Variants in SCRN3 observed in about 807,000 individuals in gnomAD.
The protein encoded by SCRN3 is secernin-3.
A neutral mutation model predicts 43.1 loss-of-function variants in SCRN3; 39 were observed. That is an observed-to-expected ratio of 0.91 (90% confidence interval 0.70 to 1.18). SCRN3 has a LOEUF of 1.18. Ranked by LOEUF, SCRN3 falls within the 50% of genes most tolerant of loss-of-function variation. SCRN3 has a pLI of 0.00. For synonymous variants in SCRN3, 147 were observed against 163.1 expected (o/e 0.90, Z 0.75); for missense variants, 484 against 498.0 (o/e 0.97, Z 0.27).
chr2:174,423,075 C>T (rs1182456938), intron 6 of SCRN3, 28 bp downstream of exon 6: 1 of 1,593,610 alleles, frequency 6.3e-7, no homozygotes, highest in Non-Finnish European at 8.6e-7. Flanking sequence ...TATAAACCAG[C>T]AAGGGGTCAG....
Position 174,429,289 on chromosome 2 carries a change from C to T in SCRN3, c.*1394C>T, listed in dbSNP as rs1486211166. The T allele has an allele frequency of 6.6e-6, 1 of 152,146 alleles. No individual in the cohort carries two copies. The highest frequency in any genetic ancestry group is 1.5e-5 in the Non-Finnish European group (1 of 68,020). The allele number at this position is 152,146 out of a possible 1,614,324, so 9.4% of individuals were successfully genotyped here. ...AGGGGCAGCATGTTTTCACCTTCTC[C>T]TTTGCTGCCACCTTGGCCTAAACTA... On this transcript the variant is annotated 3_prime_UTR_variant, in exon 8 of 8. Transcript: ENST00000272732.
At chr2:174,406,459 C>T (rs1398078599) in intron 5 of SCRN3, among the ~76,000 whole-genome samples, 2 of 139,686 alleles carry the variant, frequency 1.4e-5, no homozygotes, top group African/African-American at 5.0e-5. Context: ...TTTCCTTCTC[C>T]TGCCTAATTG....
At chr2:174,418,477 A>G (rs1217475476) in intron 5 of SCRN3, among the ~76,000 whole-genome samples, 3 of 152,226 alleles carry the variant, frequency 2.0e-5, no homozygotes, top group Admixed American at 6.5e-5. Context: ...TTAAATTGCA[A>G]TGAAATTACA....
chr2:174,409,407 T>G (rs1685817705), intron 5 of SCRN3, among the ~76,000 whole-genome samples: 1 of 147,642 alleles, frequency 6.8e-6, no homozygotes, highest in Admixed American at 6.8e-5. Flanking sequence ...GGTTTGAATG[T>G]CCTCCCGTAG....
At chr2:174,416,863 T>C (rs1466456958) in intron 5 of SCRN3, among the ~76,000 whole-genome samples, 2 of 152,214 alleles carry the variant, frequency 1.3e-5, no homozygotes, top group African/African-American at 4.8e-5. Context: ...CTAATACAGC[T>C]ATTTAAATAA....
At chr2:174,424,327 G>A (rs1686404247) in intron 6 of SCRN3, 148 bp from the exon 7 acceptor site, 1 of 586,160 alleles carries the variant, frequency 1.7e-6, no homozygotes, top group Non-Finnish European at 3.0e-6. Flanking sequence ...GGGAAGACAG[G>A]CATGGGTATA....
rs1685394307 is a variant in SCRN3, at chr2:174,398,336, A to AT, written c.54dup (p.Asn19Ter). The AT allele has an allele frequency of 6.2e-7, 1 of 1,606,266 alleles. No homozygotes were observed. Among genetic ancestry groups the AT allele is most frequent in the African/African-American group, 1.3e-5 (1 of 74,608 alleles). On this transcript the variant is annotated frameshift_variant, in exon 2 of 8. Coordinates refer to ENST00000272732, the MANE Select transcript of SCRN3 (RefSeq NM_024583.5). LOFTEE classifies it high-confidence loss of function. ...GTGGCATTACCTCCAGCAACAGTCG[A>AT]TAACAGGATTATTTTTGGAAAAAAT...
At chr2:174,426,439 T>C (rs1168423261) in intron 7 of SCRN3, among the ~76,000 whole-genome samples, 1 of 152,218 alleles carries the variant, frequency 6.6e-6, no homozygotes, top group African/African-American at 2.4e-5. Flanking sequence ...GGTTATTTGT[T>C]TTGTAGAGTT....
chr2:174,398,291 C>T lies in SCRN3; in HGVS notation c.8C>T (p.Pro3Leu), dbSNP rs1194168137. The change falls in exon 2 of 8, where the codon CCT becomes CTT. Residue 3 changes from proline (P) to leucine (L), a missense_variant. Physicochemically the swap from Pro to Leu is moderately conservative, Grantham distance 98. Transcript: ENST00000272732. ME[P>L]FSCDTFVALP... Reference sequence around the variant, plus strand: ...AATTTTTAGTTAAAAAAAATGGAACCTTTTTCCTGTGACACTTTCGTGGCA... The same window carrying T: ...AATTTTTAGTTAAAAAAAATGGAACTTTTTTCCTGTGACACTTTCGTGGCA... The T allele has an allele frequency of 6.4e-7, 1 of 1,565,976 alleles. No individual in the cohort carries two copies. The highest frequency in any genetic ancestry group is 8.6e-7 in the Non-Finnish European group (1 of 1,163,104).
intron 5 of SCRN3, among the ~76,000 whole-genome samples, chr2:174,415,666 A>T (rs1686080087): frequency 6.6e-6 from 1 of 152,094 alleles, no homozygotes; most frequent in Admixed American, 6.6e-5. Context: ...TTTTTTTGAG[A>T]CAATGTCTCG....
intron 5 of SCRN3, among the ~76,000 whole-genome samples, chr2:174,404,628 C>T (rs1023239635): frequency 8.9e-6 from 1 of 112,262 alleles, no homozygotes; most frequent in Non-Finnish European, 1.8e-5. Flanking sequence ...CACCACAGTC[C>T]CCAGAGTGTG....
At chr2:174,396,253 C>A in intron 1 of SCRN3, 2 of 990,530 alleles carry the variant, frequency 2.0e-6, no homozygotes, top group Non-Finnish European at 2.4e-6. Flanking sequence ...GAAAGACGTT[C>A]AATAAATACT....
In SCRN3 at chr2:174,414,335, G is replaced by A. The variant is rs145922678; in HGVS notation, c.755-8550G>A. 6.1e-3 allele frequency among the ~76,000 whole-genome samples: 922 copies of A among 152,246 alleles called. 3 individuals are homozygous for A. The highest frequency in any genetic ancestry group is 9.6e-3 in the Admixed American group (147 of 15,290). ...GTCTCTCTTTCCTACCCTGTCCTGA[G>A]ATACTTAGTTTTTTTTCCCATATGC... On this transcript the variant is annotated intron_variant, in intron 5 of 7. Transcript: ENST00000272732.
intron 7 of SCRN3, 115 bp from the exon 8 acceptor site, chr2:174,427,598 C>A (rs7591631): frequency 0.43 from 223,061 of 524,118 alleles, 51,860 homozygotes; most frequent in African/African-American, 0.69. Context: ...AAGAAGGGAA[C>A]CAAACCACAA....
intron 5 of SCRN3, among the ~76,000 whole-genome samples, chr2:174,409,796 T>G (rs1194540757): frequency 2.8e-5 from 4 of 143,270 alleles, no homozygotes; most frequent in African/African-American, 9.9e-5. Context: ...GGGACCCACT[T>G]GAGCAGGCAG....
Position 174,408,556 on chromosome 2 carries a change from G to A in SCRN3, c.754+4241G>A, listed in dbSNP as rs1372714367. On this transcript the variant is annotated intron_variant, in intron 5 of 7. Transcript: ENST00000272732. ...TTGATGCAGTTTCTTCCTAGTCTCG[G>A]TGGTCTTTACATTTTGGCATGATTT... Among the ~76,000 whole-genome samples, 48 of 149,922 alleles carry A rather than the reference G, an allele frequency of 3.2e-4. No homozygotes were observed. In the East Asian group the frequency reaches 3.6e-3, roughly 11 times the overall value.
intron 4 of SCRN3, 49 bp from the exon 5 acceptor site, chr2:174,404,054 G>A (rs1685594185): frequency 7.1e-7 from 1 of 1,414,908 alleles, no homozygotes. Flanking sequence ...CATGCTTTAT[G>A]TTAAATATGA....
In SCRN3 at chr2:174,401,118, T is replaced by C; in HGVS notation, c.470T>C (p.Leu157Pro). The C allele has an allele frequency of 6.2e-7, 1 of 1,613,980 alleles. No individual in the cohort carries two copies. Among genetic ancestry groups the C allele is most frequent in the African/African-American group, 1.3e-5 (1 of 75,036 alleles). ...GTATTTAGCTATCACAACAGTTTCC[T>C]GATAGCTGATAGGAATGAAGCCTGG... is the stretch of plus-strand genomic sequence containing the variant. ...RMVFSYHNSFLIADRNEAWIL... is the reference protein window; with the variant it reads ...RMVFSYHNSFPIADRNEAWIL... The change falls in exon 4 of 8, where the codon CTG becomes CCG. Residue 157 changes from leucine to proline, a missense_variant. By Grantham distance (98) the Leu-to-Pro change is moderately conservative (BLOSUM62 -3). Transcript: ENST00000272732.
intron 5 of SCRN3, among the ~76,000 whole-genome samples, chr2:174,415,005 G>A (rs992115340): frequency 6.6e-6 from 1 of 151,884 alleles, no homozygotes; most frequent in Non-Finnish European, 1.5e-5. Flanking sequence ...CCTCAAATGA[G>A]CCGCCCACCT....
Sources: gnomAD v4.1 joint callset for allele counts (sites outside exome capture counted in the v4.1 genomes callset) on GRCh38, gnomAD v4.1.1 for gene constraint, MANE v1.5 for transcripts, NCBI Gene and HGNC (gene_info 2026-07-23, HGNC 2026-07-21) for gene names.